Variants in PALMD observed in about 807,000 individuals in gnomAD.
The protein encoded by PALMD is paralemmin-like protein.
PALMD carries 42 observed loss-of-function variants against 56.2 expected under a neutral mutation model. The ratio of observed to expected loss-of-function variants is 0.75; its 90% CI spans 0.58 to 0.97. The LOEUF (loss-of-function observed/expected upper bound fraction) is 0.97. Among genes scored for constraint, PALMD ranks in the 50% least tolerant of loss-of-function variants. PALMD has a pLI of 0.00. For synonymous variants in PALMD, 242 were observed against 222.9 expected (o/e 1.09, Z -0.76); for missense variants, 660 against 643.8 (o/e 1.03, Z -0.27).
At chr1:99,677,092 G>T (rs76085216) in intron 3 of PALMD, among the ~76,000 whole-genome samples, 5,570 of 152,054 alleles carry the variant, frequency 0.037, 280 homozygotes, top group African/African-American at 0.12. Flanking sequence ...CCATTCAGTA[G>T]TAGCCAGCTG....
intron 3 of PALMD, chr1:99,669,897 C>G (rs1237030420): frequency 6.6e-6 from 1 of 152,154 alleles, no homozygotes; most frequent in Non-Finnish European, 1.5e-5. Flanking sequence ...TATATTGTCC[C>G]ATTTAATCTT....
At chr1:99,683,075 A>T (rs1571073188) in intron 3 of PALMD, among the ~76,000 whole-genome samples, 1 of 23,368 alleles carries the variant, frequency 4.3e-5, no homozygotes, top group Non-Finnish European at 7.1e-5. Context: ...AGAGAGAGAG[A>T]GAGAGAGAGA....
chr1:99,646,703 T>C (rs1012007308), intron 1 of PALMD, among the ~76,000 whole-genome samples: 5 of 152,160 alleles, frequency 3.3e-5, no homozygotes, highest in African/African-American at 7.2e-5. Flanking sequence ...TGGCATTAGA[T>C]AAAAAAACAG....
At chr1:99,667,552 C>A in intron 2 of PALMD, 90 bp from the exon 3 acceptor site, 1 of 1,011,602 alleles carries the variant, frequency 9.9e-7, no homozygotes, top group East Asian at 2.4e-5. Flanking sequence ...AACGTGTCAC[C>A]TATTGAAATT....
At chr1:99,688,641 A>C in intron 6 of PALMD, 134 bp from the exon 7 acceptor site, 1 of 608,272 alleles carries the variant, frequency 1.6e-6, no homozygotes, top group African/African-American at 1.9e-5. Flanking sequence ...AAAATCAGAA[A>C]TTTAAAAAAT....
chr1:99,688,415 A>G (rs996232204), intron 6 of PALMD, among the ~76,000 whole-genome samples: 3 of 152,176 alleles, frequency 2.0e-5, no homozygotes, highest in African/African-American at 7.2e-5. Context: ...CCATTGAGAA[A>G]TGCAAAAGAA....
intron 5 of PALMD, 37 bp downstream of exon 5, chr1:99,687,000 G>T: frequency 6.5e-7 from 1 of 1,529,610 alleles, no homozygotes; most frequent in Non-Finnish European, 9.0e-7. Flanking sequence ...GTTAAACTAA[G>T]TTTTTTTGGT....
chr1:99,690,613 A>T (rs1423452760), intron 7 of PALMD, among the ~76,000 whole-genome samples: 1 of 152,114 alleles, frequency 6.6e-6, no homozygotes, highest in Non-Finnish European at 1.5e-5. Context: ...TAGCTTCTCA[A>T]TTTTAGATTT....
chr1:99,683,056 G>GAA (rs1191093501), intron 3 of PALMD, among the ~76,000 whole-genome samples: 160 of 12,052 alleles, frequency 0.013, 21 homozygotes, highest in East Asian at 0.091. Flanking sequence ...AAGAAAGAAA[G>GAA]AGAGAGAGAG....
intron 3 of PALMD, among the ~76,000 whole-genome samples, chr1:99,681,095 GTGTGTATATA>G (rs1653331382): frequency 1.5e-5 from 1 of 66,348 alleles, no homozygotes; most frequent in African/African-American, 5.7e-5. Context: ...ACATATATGT[GTGTGTATATA>G]TGTGTGTGTG....
intron 1 of PALMD, among the ~76,000 whole-genome samples, chr1:99,652,389 A>G (rs1006087908): frequency 9.2e-5 from 14 of 152,148 alleles, no homozygotes; most frequent in Non-Finnish European, 1.9e-4. Flanking sequence ...GGATCACTTA[A>G]GGCCAGGAGT....
chr1:99,668,226 T>C (rs1201147333), intron 3 of PALMD: 3 of 153,744 alleles, frequency 2.0e-5, no homozygotes, highest in East Asian at 3.8e-4. Context: ...CGGTCAGCCT[T>C]CCATATGAAT....
chr1:99,652,694 G>GGAAAGGAAAGGAAAGGAAAGGAAAA (rs1553166835), intron 1 of PALMD, among the ~76,000 whole-genome samples: 1 of 86,386 alleles, frequency 1.2e-5, no homozygotes, highest in African/African-American at 5.3e-5. Flanking sequence ...GGAAAGGAAA[G>GGAAAGGAAAGGAAAGGAAAGGAAAA]GAAAAGAAAA....
At chr1:99,666,541 A>G (rs542577721) in intron 2 of PALMD, among the ~76,000 whole-genome samples, 1 of 152,254 alleles carries the variant, frequency 6.6e-6, no homozygotes, top group South Asian at 2.1e-4. Context: ...ACTTACTCTC[A>G]TTTAAATTTC....
At chr1:99,672,482 ATCTTG>A (rs1277050920) in intron 3 of PALMD, among the ~76,000 whole-genome samples, 3 of 152,164 alleles carry the variant, frequency 2.0e-5, no homozygotes, top group African/African-American at 7.2e-5. Context: ...TGGTTTAGAA[ATCTTG>A]TCCTAACACT....
chr1:99,694,110 C>T lies in PALMD; in HGVS notation c.*48C>T. On this transcript the variant is annotated 3_prime_UTR_variant, in exon 8 of 8. Transcript: ENST00000263174. ...ATCCTTTGAAGAAGAAACTAAGAAG[C>T]ATTTGCAAATTTCTCTTCTGGATAT... The T allele has an allele frequency of 7.7e-7, 1 of 1,303,014 alleles. No individual in the cohort carries two copies. The allele number at this position is 1,303,014 out of a possible 1,614,324, so 80.7% of individuals were successfully genotyped here.
At chr1:99,688,269 A>G (rs551642804) in intron 6 of PALMD, among the ~76,000 whole-genome samples, 1 of 152,206 alleles carries the variant, frequency 6.6e-6, no homozygotes, top group African/African-American at 2.4e-5. Context: ...TTTAGAACAC[A>G]CCTCTATAAT....
At position 99,647,450 on chromosome 1, in the gene PALMD, C is replaced by CTA. The variant is rs1652465829; in HGVS notation, c.45+1089_45+1090insAT. On this transcript the variant is annotated intron_variant, in intron 1 of 7. Transcript: ENST00000263174. ...AACATTCAGTAAATTGAAATGTCTT[C>CTA]TTAGCCAATAGTAAGACACCAGAAG... Among the ~76,000 whole-genome samples, 2 of 152,204 alleles carry CTA rather than the reference C, an allele frequency of 1.3e-5. 1 individual carries two copies. Among genetic ancestry groups the CTA allele is most frequent in the South Asian group, 4.1e-4 (2 of 4,836 alleles).
intron 2 of PALMD, 109 bp from the exon 3 acceptor site, chr1:99,667,533 T>G: frequency 1.1e-6 from 1 of 875,942 alleles, no homozygotes; most frequent in Non-Finnish European, 1.8e-6. Flanking sequence ...CAGAAAATAA[T>G]TCCTCTTTAA....
Sources: gnomAD v4.1 joint callset for allele counts (sites outside exome capture counted in the v4.1 genomes callset) on GRCh38, gnomAD v4.1.1 for gene constraint, MANE v1.5 for transcripts, NCBI Gene and HGNC (gene_info 2026-07-23, HGNC 2026-07-21) for gene names.